Variants in WDPCP observed in about 807,000 individuals in gnomAD.
WDPCP encodes the protein WD repeat-containing and planar cell polarity effector protein fritz homolog.
A neutral mutation model predicts 93.1 loss-of-function variants in WDPCP; 71 were observed. The ratio of observed to expected loss-of-function variants is 0.76; its 90% CI spans 0.63 to 0.93. WDPCP has a LOEUF of 0.93. Among genes scored for constraint, WDPCP ranks in the 40% least tolerant of loss-of-function variants. WDPCP has a pLI of 0.00. For missense variants in WDPCP, 844 were observed against 887.4 expected, an observed-to-expected ratio of 0.95 and a Z score of 0.62; for synonymous variants, 315 against 315.0, an observed-to-expected ratio of 1.00 and a Z score of 0.00.
chr2:63,618,031 T>C (rs911899245), intron 3 of WDPCP, among the ~76,000 whole-genome samples: 7 of 152,358 alleles, frequency 4.6e-5, no homozygotes, highest in East Asian at 1.9e-4. Flanking sequence ...TTTTCTCTTA[T>C]GTTTTTTTTC....
At chr2:63,138,336 C>A (rs1670789817) in intron 17 of WDPCP, among the ~76,000 whole-genome samples, 1 of 152,076 alleles carries the variant, frequency 6.6e-6, no homozygotes, top group Admixed American at 6.6e-5. Context: ...CAGTGTATAC[C>A]AGTGCCCATT....
intron 12 of WDPCP, among the ~76,000 whole-genome samples, chr2:63,341,432 G>C (rs185221062): frequency 6.6e-6 from 1 of 152,278 alleles, no homozygotes; most frequent in Admixed American, 6.5e-5. Flanking sequence ...CCCAGCCCCA[G>C]ACTTGTTTTG....
intron 2 of WDPCP, among the ~76,000 whole-genome samples, chr2:63,681,182 G>A (rs1381977009): frequency 2.0e-5 from 3 of 152,168 alleles, no homozygotes; most frequent in Non-Finnish European, 4.4e-5. Context: ...GGGGAACTTT[G>A]TCTTGCACTT....
rs191443835 is a variant in WDPCP, at chr2:63,812,084, C to T, written n.308+1538G>A. Among the ~76,000 whole-genome samples, 30 of 152,024 alleles carry T rather than the reference C, an allele frequency of 2.0e-4. 1 individual carries two copies. Among genetic ancestry groups the T allele is most frequent in the Admixed American group, 1.8e-3 (27 of 15,278 alleles). On this transcript the variant is annotated intron_variant and non_coding_transcript_variant, in intron 2 of 4. Transcript: ENST00000467687. ...TTTGTCATGTTGCGCAAGCTGGTCT[C>T]GAACTCCTGGGCTCAAATGATCCTC...
chr2:63,214,490 T>C (rs1279402538), intron 14 of WDPCP, among the ~76,000 whole-genome samples: 1 of 152,154 alleles, frequency 6.6e-6, no homozygotes, highest in Non-Finnish European at 1.5e-5. Context: ...ATAAGAGCTA[T>C]TTATGACAAA....
At chr2:63,198,337 A>C (rs148098537) in intron 14 of WDPCP, among the ~76,000 whole-genome samples, 1 of 152,174 alleles carries the variant, frequency 6.6e-6, no homozygotes, top group Non-Finnish European at 1.5e-5. Context: ...TTAAATGTCT[A>C]TGGGGCTAGG....
Position 63,242,944 on chromosome 2 carries a change from G to A in WDPCP, c.1915+16363C>T, listed in dbSNP as rs1257038798. 3.9e-5 allele frequency among the ~76,000 whole-genome samples: 6 copies of A among 152,222 alleles called. No individual in the cohort carries two copies. The East Asian group carries it at 1.2e-3, about 29-fold the overall frequency. On this transcript the variant is annotated intron_variant, in intron 14 of 17. Transcript: ENST00000272321. ...CTAGAGATGACAAAGTAACACAATA[G>A]ATAAGGCCTAGTAATCTAATACCAG...
intron 13 of WDPCP, among the ~76,000 whole-genome samples, chr2:63,287,012 G>A (rs1230064346): frequency 1.3e-5 from 2 of 152,178 alleles, no homozygotes; most frequent in African/African-American, 2.4e-5. Context: ...AAACTGGCAG[G>A]TTTGGTTTCT....
chr2:63,150,127 G>A (rs553660259), intron 17 of WDPCP, among the ~76,000 whole-genome samples: 1 of 152,150 alleles, frequency 6.6e-6, no homozygotes, highest in South Asian at 2.1e-4. Flanking sequence ...ATTGAGGAGG[G>A]ACACCCAGGG....
chr2:63,196,652 C>T (rs1427514859), intron 14 of WDPCP, among the ~76,000 whole-genome samples: 1 of 152,138 alleles, frequency 6.6e-6, no homozygotes, highest in Non-Finnish European at 1.5e-5. Context: ...GCAGCTTCTG[C>T]TGACCAAGAA....
chr2:63,701,256 T>G (rs1483292888), intron 2 of WDPCP, among the ~76,000 whole-genome samples: 2 of 151,860 alleles, frequency 1.3e-5, no homozygotes, highest in Non-Finnish European at 2.9e-5. Flanking sequence ...TAAAAAAAAA[T>G]GCTCAACATT....
intron 15 of WDPCP, among the ~76,000 whole-genome samples, chr2:63,167,932 T>C (rs147822755): frequency 1.1e-4 from 17 of 152,080 alleles, no homozygotes; most frequent in African/African-American, 4.1e-4. Flanking sequence ...CTGGGCAACA[T>C]GGCAAAACGC....
At chr2:63,593,063 C>G (rs551987951), upstream of WDPCP, 11 of 152,526 alleles carry the variant, frequency 7.2e-5, no homozygotes, top group South Asian at 1.2e-3. Flanking sequence ...ATTCATTTCT[C>G]TACACCAGTT....
At chr2:63,765,975 G>A (rs139725345) in intron 2 of WDPCP, among the ~76,000 whole-genome samples, 1 of 152,360 alleles carries the variant, frequency 6.6e-6, no homozygotes, top group Non-Finnish European at 1.5e-5. Flanking sequence ...ACTTCTATGA[G>A]TAGGGATAGC....
chr2:63,715,227 T>C (rs1026317412), intron 2 of WDPCP, among the ~76,000 whole-genome samples: 4 of 152,250 alleles, frequency 2.6e-5, no homozygotes, highest in Non-Finnish European at 5.9e-5. Context: ...CAAAATATTG[T>C]GAATATACTA....
At chr2:63,221,985 C>T (rs1027295359) in intron 14 of WDPCP, among the ~76,000 whole-genome samples, 1 of 152,028 alleles carries the variant, frequency 6.6e-6, no homozygotes, top group Admixed American at 6.6e-5. Flanking sequence ...TGGGTTGGAT[C>T]CTTTCCCATA....
rs564160932 is a variant in WDPCP at position 63,337,849 on chromosome 2, T to C, written c.1749-24538A>G. On this transcript the variant is annotated intron_variant, in intron 12 of 17. Transcript: ENST00000272321. ...TTTTGCCCATTTAAAAAAAATAGGA[T>C]TTTTTTTGCTATTAAGTTATTTGAG... 9.5e-4 allele frequency among the ~76,000 whole-genome samples: 145 copies of C among 152,076 alleles called. 1 individual carries two copies. Among genetic ancestry groups the C allele is most frequent in the Non-Finnish European group, 1.8e-3 (121 of 67,954 alleles).
intron 1 of WDPCP, among the ~76,000 whole-genome samples, chr2:63,520,214 A>C (rs750577107): frequency 3.3e-5 from 5 of 152,168 alleles, no homozygotes; most frequent in Non-Finnish European, 7.3e-5. Context: ...AATGAACAAA[A>C]CCTCCAAGAA....
chr2:63,622,500 C>A (rs972377705), intron 3 of WDPCP: 35 of 1,613,920 alleles, frequency 2.2e-5, no homozygotes, highest in Non-Finnish European at 3.0e-5. Context: ...GTAAACACAT[C>A]GTTCCTCCAC....
Sources: allele counts gnomAD v4.1 joint callset (sites outside exome capture counted in the v4.1 genomes callset), GRCh38; gene constraint gnomAD v4.1.1; transcripts MANE v1.5; gene names NCBI Gene and HGNC (gene_info 2026-07-23, HGNC 2026-07-21).